The following SPDL1 variants were observed in gnomAD, a reference collection of about 807,000 sequenced individuals.
The protein encoded by SPDL1 is protein Spindly.
A neutral mutation model predicts 79.5 loss-of-function variants in SPDL1; 85 were observed. That is an observed-to-expected ratio of 1.07 (90% CI 0.90 to 1.28). The LOEUF (loss-of-function observed/expected upper bound fraction) is 1.28, where lower values mean the gene tolerates loss of function less well. Among genes scored for constraint, SPDL1 ranks in the 50% most tolerant of loss-of-function variants. The pLI, the probability that SPDL1 is intolerant of heterozygous loss-of-function variation, is 0.00. For missense variants in SPDL1, 703 were observed against 697.8 expected (o/e 1.01, Z -0.08); for synonymous variants, 269 against 240.3 (o/e 1.12, Z -1.10).
chr5:169,588,553 A>T lies in SPDL1; in HGVS notation c.137A>T (p.Asn46Ile), dbSNP rs1389111110. Residue 46 changes from asparagine to isoleucine, a missense_variant, in exon 2 of 12, where the codon AAT becomes ATT. Coordinates refer to ENST00000265295, the MANE Select transcript of SPDL1 (RefSeq NM_017785.5). ...ELQNQLDKCR[N>I]EMMTMTESYE... ...CAGAATCAATTGGATAAATGTCGTA[A>T]TGAAATGATGACCATGACTGAGGTA... 6.2e-7 allele frequency: 1 copy of T among 1,612,864 alleles called. No homozygotes were observed. The highest frequency in any genetic ancestry group is 1.7e-5 in the Admixed American group (1 of 59,808).
chr5:169,590,339 T>A (rs1418454538), intron 2 of SPDL1, among the ~76,000 whole-genome samples: 1 of 152,220 alleles, frequency 6.6e-6, no homozygotes, highest in Non-Finnish European at 1.5e-5. Context: ...AAAATAAAAC[T>A]GTTATACTTA....
chr5:169,588,722 T>G, intron 2 of SPDL1, 147 bp downstream of exon 2: 2 of 578,420 alleles, frequency 3.5e-6, no homozygotes, highest in Non-Finnish European at 5.7e-6. Context: ...TAAAAAAGAA[T>G]GAACTAAATG....
At position 169,601,144 on chromosome 5, in the gene SPDL1, A is replaced by T. The variant is rs1755852426; in HGVS notation, c.1325-136A>T. ...AAAGAATAAAAGGTAGAAACAAAGG[A>T]TGCATTTCAGTGAGGAGATGGTTGC... On this transcript the variant is annotated intron_variant, in intron 10 of 11. Transcript: ENST00000265295. The T allele has an allele frequency of 4.4e-6, 3 of 674,242 alleles. No homozygotes were observed. In the Admixed American group the frequency reaches 9.2e-5, roughly 21 times the overall value. 41.8% of individuals were successfully genotyped at this position (674,242 alleles called of 1,614,324 possible).
chr5:169,599,668 C>T (rs1319859295), intron 10 of SPDL1, among the ~76,000 whole-genome samples: 2 of 152,280 alleles, frequency 1.3e-5, no homozygotes, highest in East Asian at 3.9e-4. Flanking sequence ...TGCTGCCATC[C>T]TGTGGAGCAG....
chr5:169,589,346 C>T (rs569648289), intron 2 of SPDL1, among the ~76,000 whole-genome samples: 13 of 152,198 alleles, frequency 8.5e-5, no homozygotes, highest in South Asian at 4.2e-4. Flanking sequence ...TCTAAGTGGT[C>T]GTGGAATAAC....
intron 8 of SPDL1, 75 bp downstream of exon 8, chr5:169,596,776 T>C (rs764216296): frequency 1.6e-6 from 2 of 1,230,334 alleles, no homozygotes; most frequent in East Asian, 2.7e-5. Flanking sequence ...GTTTTTTAAG[T>C]TTAAATTATT....
intron 11 of SPDL1, 112 bp from the exon 12 acceptor site, chr5:169,603,947 AT>A (rs1338879439): frequency 1.2e-4 from 138 of 1,185,014 alleles, no homozygotes; most frequent in Non-Finnish European, 1.3e-4. Context: ...AGTCAACTAT[AT>A]TTTTTTTCCT....
chr5:169,592,574 A>G (rs961135934), intron 3 of SPDL1, among the ~76,000 whole-genome samples: 2 of 152,100 alleles, frequency 1.3e-5, no homozygotes, highest in Admixed American at 1.3e-4. Context: ...AAACATAGCT[A>G]TCTAAATATA....
chr5:169,590,688 CATT>C lies in SPDL1; in HGVS notation c.160-357_160-355del. The stretch of plus-strand genomic sequence containing the variant: ...GTTCAGAGCTACAAGTAGAGCATCT[CATT>C]ATCAAACTAATAATTCTCATGAGGA... On this transcript the variant is annotated intron_variant, in intron 2 of 11. Coordinates refer to ENST00000265295, the MANE Select transcript of SPDL1 (RefSeq NM_017785.5). 5 of 458,192 alleles carry C rather than the reference CATT, an allele frequency of 1.1e-5. No individual in the cohort carries two copies. In the Admixed American group the frequency reaches 1.2e-4, roughly 11 times the overall value. 28.4% of individuals were successfully genotyped at this position (458,192 alleles called of 1,614,324 possible).
Position 169,601,282 on chromosome 5 carries a change from A to G in SPDL1, c.1327A>G (p.Thr443Ala), listed in dbSNP as rs1451126685. 4 of 1,592,016 alleles carry G rather than the reference A, an allele frequency of 2.5e-6. No homozygotes were observed. The highest frequency in any genetic ancestry group is 2.7e-5 in the African/African-American group (2 of 73,164). ...TCCCCACTCGTTTTTATTCTCAGAG[A>G]CAGTTGAAGTGCCTGTACTGAAAAA... Reference protein sequence around the residue: ...ELKLKYEPEETVEVPVLKKRR... With the variant: ...ELKLKYEPEEAVEVPVLKKRR... The change falls in exon 11 of 12, where the codon ACA (threonine) becomes GCA (alanine). Residue 443 changes from threonine (T) to alanine (A), a missense_variant and splice_region_variant. Transcript: ENST00000265295.
At chr5:169,591,859 T>G (rs945941854) in intron 3 of SPDL1, among the ~76,000 whole-genome samples, 11 of 152,252 alleles carry the variant, frequency 7.2e-5, no homozygotes, top group African/African-American at 2.7e-4. Context: ...TCTAACAGCA[T>G]GTTACACTGG....
intron 7 of SPDL1, 72 bp from the exon 8 acceptor site, chr5:169,596,489 G>A (rs187163357): frequency 7.7e-7 from 1 of 1,291,306 alleles, no homozygotes; most frequent in East Asian, 2.3e-5. Context: ...ATTATGAATT[G>A]TATCAAAAAA....
At chr5:169,603,988 A>T in intron 11 of SPDL1, 72 bp from the exon 12 acceptor site, 3 of 1,510,342 alleles carry the variant, frequency 2.0e-6, no homozygotes, top group Non-Finnish European at 2.7e-6. Context: ...GAGGCCCATT[A>T]TACTGGGGGT....
chr5:169,586,932 C>T (rs1165951557), intron 1 of SPDL1, among the ~76,000 whole-genome samples: 2 of 152,172 alleles, frequency 1.3e-5, no homozygotes, highest in African/African-American at 2.4e-5. Context: ...AGCCAAAGTC[C>T]TTATAATGGC....
chr5:169,594,648 T>G lies in SPDL1; in HGVS notation c.858T>G (p.Asn286Lys), dbSNP rs1286050413. 1.2e-6 allele frequency: 2 copies of G among 1,613,634 alleles called. No individual in the cohort carries two copies. The highest frequency in any genetic ancestry group is 1.1e-5 in the South Asian group (1 of 91,062). The change falls in exon 7 of 12, where the codon AAT becomes AAG. Residue 286 changes from asparagine (N) to lysine (K), a missense_variant. Coordinates refer to ENST00000265295, the MANE Select transcript of SPDL1 (RefSeq NM_017785.5). The stretch of plus-strand genomic sequence containing the variant: ...AGTATCAGTCACTAAAGAAGCAAAA[T>G]GTATTTAACAGAGAACAGATGCAGA... Reference protein sequence around the residue: ...KVKYQSLKKQNVFNREQMQRM... With the variant: ...KVKYQSLKKQKVFNREQMQRM...
chr5:169,590,648 T>C (rs769670900), intron 2 of SPDL1: 5 of 441,698 alleles, frequency 1.1e-5, no homozygotes, highest in African/African-American at 8.1e-5. Context: ...TCAACTATTA[T>C]TACTACTACA....
intron 11 of SPDL1, among the ~76,000 whole-genome samples, chr5:169,602,290 G>A (rs1755972470): frequency 6.6e-6 from 1 of 152,216 alleles, no homozygotes. Context: ...TGAATGGAAG[G>A]GAAAGGTAAG....
intron 9 of SPDL1, 37 bp from the exon 10 acceptor site, chr5:169,598,935 C>T (rs1755738220): frequency 6.6e-7 from 1 of 1,510,248 alleles, no homozygotes; most frequent in Non-Finnish European, 8.8e-7. Flanking sequence ...TATATGCTGT[C>T]TTAATACTCG....
chr5:169,588,463 C>G lies in SPDL1; in HGVS notation c.47C>G (p.Ala16Gly). Residue 16 changes from alanine to glycine, a missense_variant, in exon 2 of 12, where the codon GCT (alanine) becomes GGT (glycine). Coordinates refer to ENST00000265295, the MANE Select transcript of SPDL1 (RefSeq NM_017785.5). ...AATCTTCGATGCAGGCTCAAAGAGGCTGAAGAAGAGCGACTAAAAGCTGCA... is the reference window on the plus strand; with the variant it reads ...AATCTTCGATGCAGGCTCAAAGAGGGTGAAGAAGAGCGACTAAAAGCTGCA... ...ITNLRCRLKE[A>G]EEERLKAAQY... The G allele has an allele frequency of 1.9e-6, 3 of 1,613,372 alleles. No individual in the cohort carries two copies. The highest frequency in any genetic ancestry group is 1.7e-6 in the Non-Finnish European group (2 of 1,179,696).
Sources: gnomAD v4.1 joint callset for allele counts (sites outside exome capture counted in the v4.1 genomes callset) on GRCh38, gnomAD v4.1.1 for gene constraint, MANE v1.5 for transcripts, NCBI Gene and HGNC (gene_info 2026-07-23, HGNC 2026-07-21) for gene names.